APP: variants seen among roughly 807,000 people sequenced by gnomAD.
APP encodes the protein amyloid-beta precursor protein.
APP carries 31 observed loss-of-function variants against 101.4 expected under a neutral mutation model. That is an observed-to-expected ratio of 0.31 (90% CI 0.23 to 0.41). APP has a LOEUF of 0.41. Ranked by LOEUF, APP falls within the 10% of genes least tolerant of loss-of-function variation. The pLI, the probability that APP is intolerant of heterozygous loss-of-function variation, is 1.00. For missense variants in APP, 839 were observed against 1,003.7 expected (o/e 0.84, Z 2.22); for synonymous variants, 366 against 364.4 (o/e 1.00, Z -0.05).
chr21:26,000,751 G>A (rs1262144021), intron 6 of APP, among the ~76,000 whole-genome samples: 1 of 151,982 alleles, frequency 6.6e-6, no homozygotes, highest in Non-Finnish European at 1.5e-5. Flanking sequence ...TATACTCAAT[G>A]ACATTAACTT....
chr21:25,950,388 T>C (rs1003305893), intron 13 of APP, among the ~76,000 whole-genome samples: 1 of 151,260 alleles, frequency 6.6e-6, no homozygotes, highest in South Asian at 2.1e-4. Context: ...TTTCTTTTTT[T>C]TTTTTTTTGG....
chr21:26,126,436 CTCCAG>C (rs2062686590), intron 1 of APP, among the ~76,000 whole-genome samples: 1 of 152,208 alleles, frequency 6.6e-6, no homozygotes, highest in South Asian at 2.1e-4. Context: ...TACGGCCAAT[CTCCAG>C]TCAAGAGCTC....
chr21:26,164,825 C>T (rs569257045), intron 1 of APP, among the ~76,000 whole-genome samples: 130 of 145,872 alleles, frequency 8.9e-4, no homozygotes, highest in African/African-American at 3.2e-3. Context: ...CACTGCACTC[C>T]AGCCTGGGTG....
chr21:25,988,440 G>A (rs1173798227), intron 8 of APP, among the ~76,000 whole-genome samples: 1 of 152,138 alleles, frequency 6.6e-6, no homozygotes. Context: ...AGTGGCTCAC[G>A]CCTGTAATCC....
intron 6 of APP, among the ~76,000 whole-genome samples, chr21:26,010,532 G>A (rs1469508051): frequency 1.3e-5 from 2 of 152,018 alleles, no homozygotes; most frequent in South Asian, 2.1e-4. Flanking sequence ...GAGACCAGCC[G>A]GGCTTGGTGG....
chr21:25,948,637 TC>T (rs1466032774), intron 13 of APP, among the ~76,000 whole-genome samples: 1 of 152,202 alleles, frequency 6.6e-6, no homozygotes, highest in East Asian at 1.9e-4. Flanking sequence ...CTACTGCCTT[TC>T]TCATAAATTG....
At chr21:26,054,172 G>A (rs942173781) in intron 3 of APP, among the ~76,000 whole-genome samples, 1 of 152,192 alleles carries the variant, frequency 6.6e-6, no homozygotes, top group Non-Finnish European at 1.5e-5. Context: ...TAGAGATAAG[G>A]AAAGTGTCAG....
chr21:25,971,398 G>C (rs2042028167), intron 11 of APP, among the ~76,000 whole-genome samples: 1 of 152,202 alleles, frequency 6.6e-6, no homozygotes, highest in African/African-American at 2.4e-5. Context: ...ACTGATTCCT[G>C]AAAAGGGGAA....
intron 13 of APP, chr21:25,945,766 C>A (rs2040788219): frequency 2.5e-6 from 1 of 398,142 alleles, no homozygotes; most frequent in Non-Finnish European, 5.0e-6. Context: ...AGGCTCACTG[C>A]AGCCTCAGCC....
Position 25,954,614 on chromosome 21 carries a change from C to A in APP, c.1663G>T (p.Ala555Ser). 6.2e-7 allele frequency: 1 copy of A among 1,613,990 alleles called. No homozygotes were observed. The highest frequency in any genetic ancestry group is 2.2e-5 in the East Asian group (1 of 44,880). ...CCAACTTCATCCTGAATCTCCTCGG[C>A]CACTGCAGGCACGTTGTAGAGCAGG... The part of the protein sequence containing the change: ...LSLLYNVPAV[A>S]EEIQDEVDEL... Residue 555 changes from alanine to serine, a missense_variant, in exon 13 of 18, where the codon GCC becomes TCC. Physicochemically the swap from Ala to Ser is moderately conservative, Grantham distance 99 (BLOSUM62 1). Coordinates refer to ENST00000346798, the MANE Select transcript of APP (RefSeq NM_000484.4).
intron 14 of APP, among the ~76,000 whole-genome samples, chr21:25,907,485 A>C (rs2038853363): frequency 6.6e-6 from 1 of 152,244 alleles, no homozygotes; most frequent in Admixed American, 6.5e-5. Flanking sequence ...TTCATCAATG[A>C]AGTGCTAAAA....
At chr21:25,950,165 C>T (rs1458371318) in intron 13 of APP, among the ~76,000 whole-genome samples, 1 of 152,130 alleles carries the variant, frequency 6.6e-6, no homozygotes, top group African/African-American at 2.4e-5. Context: ...GGTCCTGTAC[C>T]TCAACGGGGA....
intron 1 of APP, among the ~76,000 whole-genome samples, chr21:26,152,535 T>C (rs917728366): frequency 6.6e-5 from 10 of 152,070 alleles, no homozygotes; most frequent in African/African-American, 2.4e-4. Flanking sequence ...TCAAAAATGG[T>C]TTAGAAATGA....
At chr21:25,951,528 C>T (rs1341523712) in intron 13 of APP, among the ~76,000 whole-genome samples, 1 of 152,146 alleles carries the variant, frequency 6.6e-6, no homozygotes, top group Non-Finnish European at 1.5e-5. Context: ...AAAATTTTCT[C>T]CTTTTGCCAG....
intron 1 of APP, among the ~76,000 whole-genome samples, chr21:26,157,339 G>C (rs2063396978): frequency 6.6e-6 from 1 of 152,058 alleles, no homozygotes; most frequent in African/African-American, 2.4e-5. Flanking sequence ...CGAAGTGCTG[G>C]GATTACAGGT....
intron 1 of APP, among the ~76,000 whole-genome samples, chr21:26,165,958 C>G (rs1170712117): frequency 6.6e-6 from 1 of 152,142 alleles, no homozygotes; most frequent in Non-Finnish European, 1.5e-5. Flanking sequence ...AATCATTGTA[C>G]TCCAGTTTTT....
At chr21:25,893,667 A>AG (rs2037841562) in intron 16 of APP, among the ~76,000 whole-genome samples, 2 of 152,228 alleles carry the variant, frequency 1.3e-5, no homozygotes, top group Non-Finnish European at 2.9e-5. Context: ...AAGCTGCAGA[A>AG]GAAAAAAAAG....
At chr21:25,990,600 C>T (rs2146636949) in intron 8 of APP, among the ~76,000 whole-genome samples, 1 of 152,278 alleles carries the variant, frequency 6.6e-6, no homozygotes, top group South Asian at 2.1e-4. Context: ...TCAAAATCTT[C>T]AATATTGTCC....
At chr21:25,925,223 ACAG>A (rs2039835787) in intron 13 of APP, among the ~76,000 whole-genome samples, 2 of 152,120 alleles carry the variant, frequency 1.3e-5, no homozygotes, top group Non-Finnish European at 2.9e-5. Flanking sequence ...GCTATGAGAA[ACAG>A]ATTTAATTTT....
Sources: allele counts gnomAD v4.1 joint callset (sites outside exome capture counted in the v4.1 genomes callset), GRCh38; gene constraint gnomAD v4.1.1; transcripts MANE v1.5; gene names NCBI Gene and HGNC (gene_info 2026-07-23, HGNC 2026-07-21).